AGPAT5: variants seen among roughly 807,000 people sequenced by gnomAD.
The protein encoded by AGPAT5 is 1-acyl-sn-glycerol-3-phosphate acyltransferase epsilon.
AGPAT5 carries 46 observed loss-of-function variants against 45.6 expected under a neutral mutation model. The observed-to-expected ratio is 1.01, with a 90% confidence interval of 0.80 to 1.29. The LOEUF (loss-of-function observed/expected upper bound fraction) is 1.29. Among genes scored for constraint, AGPAT5 ranks in the 50% most tolerant of loss-of-function variants. The pLI, the probability that AGPAT5 is intolerant of heterozygous loss-of-function variation, is 0.00. For synonymous variants in AGPAT5, 272 were observed against 167.0 expected, an observed-to-expected ratio of 1.63 and a Z score of -4.85; for missense variants, 673 against 450.7, an observed-to-expected ratio of 1.49 and a Z score of -4.47.
chr8:6,712,225 C>T (rs1279247393), intron 1 of AGPAT5, among the ~76,000 whole-genome samples: 1 of 152,162 alleles, frequency 6.6e-6, no homozygotes, highest in African/African-American at 2.4e-5. Flanking sequence ...TTCTTATTTA[C>T]AGATTTACCT....
chr8:6,718,726 T>C, intron 1 of AGPAT5, among the ~76,000 whole-genome samples: 1 of 152,236 alleles, frequency 6.6e-6, no homozygotes, highest in East Asian at 1.9e-4. Context: ...TTTAGCTTCA[T>C]TTGCTGTTCA....
chr8:6,741,238 A>G (rs1801235914), intron 4 of AGPAT5, among the ~76,000 whole-genome samples: 1 of 152,126 alleles, frequency 6.6e-6, no homozygotes, highest in Admixed American at 6.5e-5. Flanking sequence ...TTTTCATCAA[A>G]TGAGGTACTT....
intron 1 of AGPAT5, among the ~76,000 whole-genome samples, chr8:6,715,920 A>G (rs543355068): frequency 6.6e-6 from 1 of 152,298 alleles, no homozygotes; most frequent in East Asian, 1.9e-4. Context: ...CATAATAAAC[A>G]TGAGGAGTTT....
At chr8:6,736,814 A>G (rs569300288) in intron 4 of AGPAT5, among the ~76,000 whole-genome samples, 1 of 152,366 alleles carries the variant, frequency 6.6e-6, no homozygotes, top group South Asian at 2.1e-4. Flanking sequence ...TCACCCTGAG[A>G]GTAGAGCCTT....
rs2116983343 is a variant in AGPAT5 at position 6,760,945 on chromosome 8, T to G, written c.*3557T>G. On this transcript the variant is annotated 3_prime_UTR_variant, in exon 8 of 8. Transcript: ENST00000285518. ...CTCGTCTGTACAATCGCTAATTTACTCAGTTTAGAGTAGCTACAACTCTTC... is the reference window on the plus strand; with the variant it reads ...CTCGTCTGTACAATCGCTAATTTACGCAGTTTAGAGTAGCTACAACTCTTC... Among the ~76,000 whole-genome samples the G allele has an allele frequency of 6.6e-6, 1 of 152,326 alleles. No individual in the cohort carries two copies. The highest frequency in any genetic ancestry group is 1.9e-4 in the East Asian group (1 of 5,196).
At chr8:6,752,780 T>C (rs1297966982) in intron 6 of AGPAT5, among the ~76,000 whole-genome samples, 1 of 152,260 alleles carries the variant, frequency 6.6e-6, no homozygotes, top group Non-Finnish European at 1.5e-5. Context: ...TCAACTAAGA[T>C]AGTTTTTGCA....
chr8:6,721,100 C>G (rs1025073389), intron 1 of AGPAT5, among the ~76,000 whole-genome samples: 1 of 152,160 alleles, frequency 6.6e-6, no homozygotes, highest in Non-Finnish European at 1.5e-5. Context: ...GGGCAAGTAG[C>G]TGTTTGCTAT....
intron 6 of AGPAT5, among the ~76,000 whole-genome samples, chr8:6,751,819 G>GT (rs1253069996): frequency 6.6e-6 from 1 of 152,036 alleles, no homozygotes; most frequent in Non-Finnish European, 1.5e-5. Flanking sequence ...TCCTAGTTAA[G>GT]TTTTTTCTAC....
At chr8:6,731,877 T>A (rs1306380474) in intron 3 of AGPAT5, among the ~76,000 whole-genome samples, 1 of 152,214 alleles carries the variant, frequency 6.6e-6, no homozygotes, top group Non-Finnish European at 1.5e-5. Flanking sequence ...ACAGCATCCT[T>A]CTTCCTGTGT....
chr8:6,719,278 G>A (rs1472581072), intron 1 of AGPAT5, among the ~76,000 whole-genome samples: 5 of 152,146 alleles, frequency 3.3e-5, no homozygotes, highest in African/African-American at 1.2e-4. Context: ...TGCATGGTGG[G>A]AGAACTGAAG....
Position 6,746,334 on chromosome 8 carries a change from G to A in AGPAT5, c.587-1336G>A, listed in dbSNP as rs1466913726. 2.0e-5 allele frequency: 3 copies of A among 152,204 alleles called. No homozygotes were observed. In the East Asian group the frequency reaches 5.8e-4, roughly 29 times the overall value. The allele number at this position is 152,204 out of a possible 1,614,324, so 9.4% of individuals were successfully genotyped here. On this transcript the variant is annotated intron_variant, in intron 5 of 7. Transcript: ENST00000285518. ...TTTATCTACGCGTTCTGGAGCAGAA[G>A]CCTAGTCACAAAGCTATTTTTTTAA...
At chr8:6,721,239 C>A (rs1475573694) in intron 1 of AGPAT5, among the ~76,000 whole-genome samples, 1 of 152,120 alleles carries the variant, frequency 6.6e-6, no homozygotes, top group Non-Finnish European at 1.5e-5. Flanking sequence ...TAATATATTT[C>A]GTTGGCATAA....
chr8:6,739,625 C>A (rs557069961), intron 4 of AGPAT5, among the ~76,000 whole-genome samples: 1 of 152,170 alleles, frequency 6.6e-6, no homozygotes, highest in South Asian at 2.1e-4. Context: ...CCTTGCTAAA[C>A]TTATTTATCA....
chr8:6,732,467 C>G, intron 3 of AGPAT5, 94 bp from the exon 4 acceptor site: 2 of 819,520 alleles, frequency 2.4e-6, no homozygotes, highest in Non-Finnish European at 1.8e-6. Context: ...AGTTTTCATT[C>G]TGTACTTTTT....
In AGPAT5 at chr8:6,755,153, A is replaced by G; in HGVS notation, c.848A>G (p.Glu283Gly). The G allele has an allele frequency of 6.2e-7, 1 of 1,600,868 alleles. No individual in the cohort carries two copies. The highest frequency in any genetic ancestry group is 8.5e-7 in the Non-Finnish European group (1 of 1,177,736). The change falls in exon 7 of 8, where the codon GAA becomes GGA. Residue 283 changes from glutamate to glycine, a missense_variant. Transcript: ENST00000285518. ...EQEHMRRWLH[E>G]RFEIKDKMLI... is the part of the protein sequence containing the mutation. ...GAACATATGAGAAGATGGCTGCATG[A>G]ACGTTTCGAAATCAAAGATAAGTGA...
At chr8:6,745,616 C>T (rs1031486702) in intron 5 of AGPAT5, 9 of 152,120 alleles carry the variant, frequency 5.9e-5, no homozygotes, top group Non-Finnish European at 1.2e-4. Flanking sequence ...ATATCACCTC[C>T]TCTTCCTTTA....
intron 3 of AGPAT5, among the ~76,000 whole-genome samples, chr8:6,731,043 A>AT (rs1203538915): frequency 1.3e-5 from 2 of 151,352 alleles, no homozygotes; most frequent in East Asian, 1.9e-4. Context: ...TAAATTTTCT[A>AT]TTTTTTGTAG....
intron 1 of AGPAT5, among the ~76,000 whole-genome samples, chr8:6,722,631 T>G (rs896893999): frequency 3.3e-5 from 5 of 152,166 alleles, no homozygotes; most frequent in African/African-American, 1.2e-4. Flanking sequence ...TGGGAGCAAG[T>G]TAAAAACAAC....
rs980021145 is a variant in AGPAT5 at position 6,760,728 on chromosome 8, A to G, written c.*3340A>G. ...TTTTGGGCCAGTTTTCATTACGAGTAACTCACACTTTTTGATTAAAGAACT... is the reference window on the plus strand; with the variant it reads ...TTTTGGGCCAGTTTTCATTACGAGTGACTCACACTTTTTGATTAAAGAACT... On this transcript the variant is annotated 3_prime_UTR_variant, in exon 8 of 8. Transcript: ENST00000285518. Among the ~76,000 whole-genome samples the G allele has an allele frequency of 1.3e-5, 2 of 152,190 alleles. No individual in the cohort carries two copies. The highest frequency in any genetic ancestry group is 4.8e-5 in the African/African-American group (2 of 41,446).
Sources: gnomAD v4.1 joint callset for allele counts (sites outside exome capture counted in the v4.1 genomes callset) on GRCh38, gnomAD v4.1.1 for gene constraint, MANE v1.5 for transcripts, NCBI Gene and HGNC (gene_info 2026-07-23, HGNC 2026-07-21) for gene names.